The following SRGAP1 variants were observed in gnomAD, a reference collection of about 807,000 sequenced individuals.
The protein encoded by SRGAP1 is SLIT-ROBO Rho GTPase activating protein 1, also known as SLIT-ROBO Rho GTPase-activating protein 1.
Under a neutral mutation model 121.9 loss-of-function variants are expected in SRGAP1, and 43 were observed. The ratio of observed to expected loss-of-function variants is 0.35; its 90% confidence interval spans 0.28 to 0.46. The LOEUF is 0.46. Ranked by LOEUF, SRGAP1 falls within the 20% of genes least tolerant of loss-of-function variation. SRGAP1 has a pLI of 1.00. For synonymous variants in SRGAP1, 447 were observed against 485.4 expected, an observed-to-expected ratio of 0.92 and a Z score of 1.04; for missense variants, 1,102 against 1,350.9, an observed-to-expected ratio of 0.82 and a Z score of 2.89.
At position 63,951,152 on chromosome 12, in the gene SRGAP1, C is replaced by CTTTTTTTTTTTT. The variant is rs58637983; in HGVS notation, c.68-32777_68-32766dup. Reference sequence around the variant, plus strand: ...GGGCTGGTCCATGCCATTTAGAACTCTTTTTTTTTTTTTTTTTTTTTTTTT... The same window carrying CTTTTTTTTTTTT: ...GGGCTGGTCCATGCCATTTAGAACTCTTTTTTTTTTTTTTTTTTTTTTTTTTTTTTTTTTTTT... On this transcript the variant is annotated intron_variant, in intron 1 of 21. Transcript: ENST00000355086. Among the ~76,000 whole-genome samples the CTTTTTTTTTTTT allele has an allele frequency of 4.1e-4, 18 of 44,184 alleles. 1 individual carries two copies. The highest frequency in any genetic ancestry group is 1.4e-3 in the African/African-American group (17 of 11,920). The allele number at this position is 44,184 out of a possible 152,430, so 29.0% of individuals were successfully genotyped here.
intron 1 of SRGAP1, among the ~76,000 whole-genome samples, chr12:63,931,421 A>G (rs968770169): frequency 7.2e-5 from 11 of 152,224 alleles, no homozygotes; most frequent in African/African-American, 2.7e-4. Flanking sequence ...TTAACTGATG[A>G]CACTTCTGTT....
chr12:64,008,092 T>C (rs1054952724), intron 3 of SRGAP1, among the ~76,000 whole-genome samples: 1 of 152,196 alleles, frequency 6.6e-6, no homozygotes, highest in Non-Finnish European at 1.5e-5. Flanking sequence ...CACATAACCA[T>C]GGGCATGTCA....
At chr12:64,030,792 G>T (rs1039197264) in intron 4 of SRGAP1, among the ~76,000 whole-genome samples, 1 of 152,090 alleles carries the variant, frequency 6.6e-6, no homozygotes, top group East Asian at 1.9e-4. Flanking sequence ...CCTGTATAAG[G>T]TTCATCAATT....
chr12:63,998,395 C>T (rs922972167), intron 3 of SRGAP1, among the ~76,000 whole-genome samples: 2 of 152,160 alleles, frequency 1.3e-5, no homozygotes, highest in African/African-American at 4.8e-5. Context: ...AGAAAGAAAT[C>T]AGAGTGGGTC....
chr12:63,951,831 A>C (rs947750484), intron 1 of SRGAP1, among the ~76,000 whole-genome samples: 1 of 152,200 alleles, frequency 6.6e-6, no homozygotes, highest in African/African-American at 2.4e-5. Context: ...TCTGCTTTTC[A>C]GACTTAGTAA....
At chr12:63,869,531 A>C (rs568221353) in intron 1 of SRGAP1, among the ~76,000 whole-genome samples, 5 of 152,266 alleles carry the variant, frequency 3.3e-5, no homozygotes, top group African/African-American at 7.2e-5. Context: ...AAACACCCCC[A>C]AATACTCCCT....
chr12:63,926,480 A>T (rs1463107485), intron 1 of SRGAP1, among the ~76,000 whole-genome samples: 1 of 152,140 alleles, frequency 6.6e-6, no homozygotes, highest in Admixed American at 6.5e-5. Flanking sequence ...TCACCTCCTA[A>T]GTCTGTGCTC....
At chr12:63,912,441 T>A (rs1034124276) in intron 1 of SRGAP1, among the ~76,000 whole-genome samples, 7 of 151,938 alleles carry the variant, frequency 4.6e-5, no homozygotes, top group Non-Finnish European at 8.8e-5. Flanking sequence ...GACCCCCATC[T>A]CTAAAAATAT....
At chr12:63,957,451 T>G (rs936415873) in intron 1 of SRGAP1, among the ~76,000 whole-genome samples, 4 of 152,212 alleles carry the variant, frequency 2.6e-5, no homozygotes, top group African/African-American at 9.6e-5. Flanking sequence ...TCCACAAGTA[T>G]CTGGCCCTGG....
intron 1 of SRGAP1, among the ~76,000 whole-genome samples, chr12:63,944,201 G>T (rs74099398): frequency 0.019 from 2,843 of 152,244 alleles, 86 homozygotes; most frequent in African/African-American, 0.064. Context: ...TAAGTAATTT[G>T]TCATGTGTCA....
In SRGAP1 at chr12:64,075,919, C is replaced by T. The variant is rs1289391740; in HGVS notation, c.1126-3000C>T. ...TTTCTTTCCCAAACATTATTTTGTT[C>T]AAAAAAAAAAAAAAGTAATTGAAAA... On this transcript the variant is annotated intron_variant, in intron 8 of 21. Transcript: ENST00000355086. Among the ~76,000 whole-genome samples, 5 of 127,012 alleles carry T rather than the reference C, an allele frequency of 3.9e-5. No homozygotes were observed. The South Asian group carries it at 1.1e-3, about 28-fold the overall frequency. 83.3% of individuals were successfully genotyped at this position (127,012 alleles called of 152,430 possible). A position where few individuals can be genotyped will look rare whatever the true frequency, so the allele number is the denominator to read the frequency against.
chr12:63,851,020 G>A (rs778913387), intron 1 of SRGAP1, among the ~76,000 whole-genome samples: 5 of 151,834 alleles, frequency 3.3e-5, no homozygotes, highest in African/African-American at 4.8e-5. Context: ...GCCGGGTGTG[G>A]TAGCATGTAT....
chr12:63,944,411 G>A (rs943337594), intron 1 of SRGAP1, among the ~76,000 whole-genome samples: 1 of 152,174 alleles, frequency 6.6e-6, no homozygotes, highest in African/African-American at 2.4e-5. Context: ...AACCTTGCAT[G>A]GCAGAAGGGG....
chr12:63,968,950 G>A (rs904305074), intron 1 of SRGAP1, among the ~76,000 whole-genome samples: 2 of 152,160 alleles, frequency 1.3e-5, no homozygotes, highest in African/African-American at 4.8e-5. Context: ...CGGCAGCCAA[G>A]AGAACATCAG....
chr12:63,907,289 C>A (rs934493638), intron 1 of SRGAP1, among the ~76,000 whole-genome samples: 24 of 152,072 alleles, frequency 1.6e-4, no homozygotes, highest in Admixed American at 1.4e-3. Context: ...GTAATCCCAG[C>A]ATTTTGGGAG....
chr12:63,947,610 T>C (rs960889415), intron 1 of SRGAP1, among the ~76,000 whole-genome samples: 2 of 151,936 alleles, frequency 1.3e-5, no homozygotes, highest in Admixed American at 6.6e-5. Context: ...TGGATCTCTT[T>C]CTAGATTCTT....
At chr12:64,032,620 G>T in intron 4 of SRGAP1, 1 of 436,470 alleles carries the variant, frequency 2.3e-6, no homozygotes, top group South Asian at 3.6e-5. Flanking sequence ...AGCCCCCACA[G>T]TCACTTTTTA....
In SRGAP1 at chr12:64,156,284, C is replaced by T. The variant is rs893491447; in HGVS notation, c.*13612C>T. 2.6e-5 allele frequency: 4 copies of T among 152,116 alleles called. No individual in the cohort carries two copies. The highest frequency in any genetic ancestry group is 9.7e-5 in the African/African-American group (4 of 41,420). The allele number at this position is 152,116 out of a possible 1,614,324, so 9.4% of individuals were successfully genotyped here. On this transcript the variant is annotated 3_prime_UTR_variant, in exon 22 of 22. Coordinates refer to ENST00000355086, the MANE Select transcript of SRGAP1 (RefSeq NM_020762.4). Reference sequence around the variant, plus strand: ...TTTTCCTTAATGTTGATTTTGTAGACTCATTTGCAGGAAGAACAATGTCAG... The same window carrying T: ...TTTTCCTTAATGTTGATTTTGTAGATTCATTTGCAGGAAGAACAATGTCAG...
At chr12:63,877,780 A>G (rs1373860119) in intron 1 of SRGAP1, among the ~76,000 whole-genome samples, 5 of 152,228 alleles carry the variant, frequency 3.3e-5, no homozygotes, top group African/African-American at 1.2e-4. Context: ...CTCAGCTTAG[A>G]TACCATCTTT....
Sources: allele counts gnomAD v4.1 joint callset (sites outside exome capture counted in the v4.1 genomes callset), GRCh38; gene constraint gnomAD v4.1.1; transcripts MANE v1.5; gene names NCBI Gene and HGNC (gene_info 2026-07-23, HGNC 2026-07-21).